DSCAM: variants seen among roughly 807,000 people sequenced by gnomAD.
DSCAM encodes the protein cell adhesion molecule DSCAM.
DSCAM carries 47 observed loss-of-function variants against 217.7 expected under a neutral mutation model. That is an observed-to-expected ratio of 0.22 (90% CI 0.17 to 0.28). The LOEUF (loss-of-function observed/expected upper bound fraction) is 0.28, where lower values mean the gene tolerates loss of function less well. DSCAM is among the 10% of genes least tolerant of loss of function. The probability of loss-of-function intolerance (pLI) is 1.00; values close to 1 mark genes in which losing one functional copy is unlikely to be tolerated. For missense variants in DSCAM, 2,080 were observed against 2,618.3 expected, an observed-to-expected ratio of 0.79 and a Z score of 4.49; for synonymous variants, 1,056 against 1,015.3, an observed-to-expected ratio of 1.04 and a Z score of -0.76.
At chr21:40,146,007 T>TATATAC (rs1225159988) in intron 16 of DSCAM, among the ~76,000 whole-genome samples, 1 of 152,076 alleles carries the variant, frequency 6.6e-6, no homozygotes, top group Non-Finnish European at 1.5e-5. Context: ...CATATGTATG[T>TATATAC]ATATACATAT....
intron 3 of DSCAM, among the ~76,000 whole-genome samples, chr21:40,443,843 T>G (rs2075652493): frequency 6.6e-6 from 1 of 152,204 alleles, no homozygotes; most frequent in Non-Finnish European, 1.5e-5. Context: ...CTACCAGATT[T>G]ACAGCAGCTC....
At chr21:40,663,318 G>A (rs770843621) in intron 3 of DSCAM, among the ~76,000 whole-genome samples, 7 of 151,906 alleles carry the variant, frequency 4.6e-5, no homozygotes, top group African/African-American at 7.3e-5. Flanking sequence ...ATGTATGTGT[G>A]TAAGAGAGTA....
At chr21:40,416,076 G>A (rs534372546) in intron 3 of DSCAM, among the ~76,000 whole-genome samples, 138 of 152,238 alleles carry the variant, frequency 9.1e-4, no homozygotes, top group Admixed American at 1.5e-3. Flanking sequence ...AAAATGACCT[G>A]CACACTTGGA....
chr21:40,692,658 T>G, intron 3 of DSCAM, 152 bp downstream of exon 3: 1 of 958,040 alleles, frequency 1.0e-6, no homozygotes, highest in Non-Finnish European at 1.5e-6. Flanking sequence ...TACAAAACAC[T>G]TATTTCAGGT....
rs1318785982 is a variant in DSCAM, at chr21:40,016,342, AT to A, written c.5687-2957del. 6.6e-6 allele frequency among the ~76,000 whole-genome samples: 1 copy of A among 152,186 alleles called. No homozygotes were observed. The highest frequency in any genetic ancestry group is 1.5e-5 in the Non-Finnish European group (1 of 68,038). On this transcript the variant is annotated intron_variant, in intron 32 of 32. Transcript: ENST00000400454. The surrounding 1 kb of genome is among the most constrained non-coding windows in gnomAD (Gnocchi z 4.3). ...CTCAGGAAACTGTGTGGACAGTGAA[AT>A]CACTAACTGTGAAAGGGTGTATAGG... is the stretch of plus-strand genomic sequence containing the variant.
At chr21:40,014,661 CCT>C (rs964794118) in intron 32 of DSCAM, among the ~76,000 whole-genome samples, 1 of 152,184 alleles carries the variant, frequency 6.6e-6, no homozygotes, top group Non-Finnish European at 1.5e-5. Flanking sequence ...TTCGCCTTCT[CCT>C]CTCACAGGTG....
intron 3 of DSCAM, among the ~76,000 whole-genome samples, chr21:40,576,532 G>A (rs2076851851): frequency 6.6e-6 from 1 of 152,102 alleles, no homozygotes; most frequent in Admixed American, 6.6e-5. Context: ...GCTAAAAAAT[G>A]ATCAGTGCCT....
intron 10 of DSCAM, 76 bp from the exon 11 acceptor site, chr21:40,276,346 C>T (rs1052464745): frequency 2.2e-6 from 3 of 1,387,560 alleles, no homozygotes; most frequent in Non-Finnish European, 2.9e-6. Flanking sequence ...CAAGTACACA[C>T]AGACTCATAA....
intron 3 of DSCAM, among the ~76,000 whole-genome samples, chr21:40,463,953 T>A (rs2075824970): frequency 6.6e-6 from 1 of 152,292 alleles, no homozygotes; most frequent in East Asian, 1.9e-4. Context: ...CTCTAACCTC[T>A]CACCTGATAA....
intron 1 of DSCAM, among the ~76,000 whole-genome samples, chr21:40,774,000 A>G (rs915426014): frequency 6.6e-6 from 1 of 152,216 alleles, no homozygotes. Flanking sequence ...TATTGGTCCC[A>G]TGGGAAGCTG....
At chr21:40,433,215 G>A (rs900904557) in intron 3 of DSCAM, among the ~76,000 whole-genome samples, 7 of 151,870 alleles carry the variant, frequency 4.6e-5, no homozygotes, top group Admixed American at 1.3e-4. Context: ...AAAATTAGCC[G>A]GGCATGGTAG....
rs1302137021 is a variant in DSCAM, at chr21:40,306,449, A to G, written c.2062+5632T>C. 2.6e-3 allele frequency among the ~76,000 whole-genome samples: 389 copies of G among 148,368 alleles called. 2 individuals carry two copies. The highest frequency in any genetic ancestry group is 9.2e-3 in the African/African-American group (359 of 39,146). Reference sequence around the variant, plus strand: ...TACCCTTTATTTCCTTCTCCTGCCTAATTGCCCTGGCCAGAACTTCCAACA... The same window carrying G: ...TACCCTTTATTTCCTTCTCCTGCCTGATTGCCCTGGCCAGAACTTCCAACA... On this transcript the variant is annotated intron_variant, in intron 9 of 32. Coordinates refer to ENST00000400454, the MANE Select transcript of DSCAM (RefSeq NM_001389.5).
intron 3 of DSCAM, among the ~76,000 whole-genome samples, chr21:40,398,481 C>T (rs2075202183): frequency 6.6e-6 from 1 of 152,128 alleles, no homozygotes; most frequent in Non-Finnish European, 1.5e-5. Context: ...TGCTGTCACA[C>T]AGATACAAAA....
chr21:40,139,414 A>T (rs1440258798), intron 18 of DSCAM, among the ~76,000 whole-genome samples: 2 of 152,006 alleles, frequency 1.3e-5, no homozygotes, highest in African/African-American at 4.8e-5. Flanking sequence ...AGGCAAGAAG[A>T]CAGGAAGCGG....
chr21:40,466,163 C>T (rs1764935671), intron 3 of DSCAM, among the ~76,000 whole-genome samples: 1 of 152,188 alleles, frequency 6.6e-6, no homozygotes, highest in Non-Finnish European at 1.5e-5. Flanking sequence ...TGCTGGAGAT[C>T]AGAAGCCATC....
At chr21:40,820,458 C>T (rs2091915704) in intron 1 of DSCAM, among the ~76,000 whole-genome samples, 1 of 152,004 alleles carries the variant, frequency 6.6e-6, no homozygotes, top group Non-Finnish European at 1.5e-5. Context: ...CAGGGCCTGT[C>T]AGGGAGTGGG....
chr21:40,486,292 A>G (rs1395073991), intron 3 of DSCAM, among the ~76,000 whole-genome samples: 2 of 152,074 alleles, frequency 1.3e-5, no homozygotes, highest in African/African-American at 2.4e-5. Context: ...ATGACTTTCA[A>G]CTCACAGCCT....
chr21:40,419,746 A>G lies in DSCAM; in HGVS notation c.509-50501T>C, dbSNP rs16999748. ...TCAAAAGATATGATATGGTCATGAA[A>G]CCTAAAATCAATTCTATCATTGTCA... On this transcript the variant is annotated intron_variant, in intron 3 of 32. Transcript: ENST00000400454. Among the ~76,000 whole-genome samples, 1,461 of 152,318 alleles carry G rather than the reference A, an allele frequency of 9.6e-3. 15 individuals carry two copies. The highest frequency in any genetic ancestry group is 0.031 in the African/African-American group (1,298 of 41,570).
intron 3 of DSCAM, among the ~76,000 whole-genome samples, chr21:40,571,632 A>G (rs2076807482): frequency 6.6e-6 from 1 of 152,250 alleles, no homozygotes; most frequent in Non-Finnish European, 1.5e-5. Flanking sequence ...AGGTAAAAAT[A>G]AAGGACCTAC....
Sources: allele counts gnomAD v4.1 joint callset (sites outside exome capture counted in the v4.1 genomes callset), GRCh38; gene constraint gnomAD v4.1.1; non-coding constraint Gnocchi (gnomAD v3.1); transcripts MANE v1.5; gene names NCBI Gene and HGNC (gene_info 2026-07-23, HGNC 2026-07-21).